DOCK9: variants seen among roughly 807,000 people sequenced by gnomAD.
DOCK9 encodes the protein dedicator of cytokinesis 9, also known as dedicator of cytokinesis protein 9.
DOCK9 carries 89 observed loss-of-function variants against 263.3 expected under a neutral mutation model. That is an observed-to-expected ratio of 0.34 (90% CI 0.28 to 0.40). The LOEUF (loss-of-function observed/expected upper bound fraction) is 0.40, where lower values mean the gene tolerates loss of function less well. Among genes scored for constraint, DOCK9 ranks in the 10% least tolerant of loss-of-function variants. DOCK9 has a pLI of 1.00. For missense variants in DOCK9, 2,140 were observed against 2,603.4 expected, an observed-to-expected ratio of 0.82 and a Z score of 3.87; for synonymous variants, 976 against 973.1, an observed-to-expected ratio of 1.00 and a Z score of -0.06.
rs759695289 is a variant in DOCK9, at chr13:98,829,376, C to T, written c.4896G>A (p.Thr1632=). 23 of 1,613,596 alleles carry T rather than the reference C, an allele frequency of 1.4e-5. No individual in the cohort carries two copies. Among genetic ancestry groups the T allele is most frequent in the East Asian group, 6.7e-5 (3 of 44,868 alleles). The change falls in exon 43 of 53, where the codon ACG becomes ACA. Residue 1632 remains threonine, a synonymous_variant. Transcript: ENST00000682017. The surrounding 1 kb of genome is among the most constrained non-coding windows in gnomAD (Gnocchi z 4.1). ...CGAGCCACGTCTTCCTGAGCTCGGG[C>T]GTGCTGGCATAGGATTTGGCCAGGC... The part of the protein sequence containing the change: ...QYSLAKSYAS[T]PELRKTWLDS...
At chr13:98,963,541 C>T (rs2058887733) in intron 1 of DOCK9, among the ~76,000 whole-genome samples, 1 of 152,192 alleles carries the variant, frequency 6.6e-6, no homozygotes, top group Non-Finnish European at 1.5e-5. Context: ...ATTTCTTGCC[C>T]TTGTGTCTCT....
At chr13:98,940,055 A>G (rs2055560233) in intron 2 of DOCK9, among the ~76,000 whole-genome samples, 2 of 152,206 alleles carry the variant, frequency 1.3e-5, no homozygotes, top group Admixed American at 1.3e-4. Context: ...AACCTTTCCA[A>G]GTTATCTGGC....
intron 1 of DOCK9, among the ~76,000 whole-genome samples, chr13:98,965,731 G>A (rs2059121278): frequency 6.6e-6 from 1 of 152,210 alleles, no homozygotes. Context: ...TCAAACCTGA[G>A]TGTTAAACTA....
At position 98,880,625 on chromosome 13, in the gene DOCK9, C is replaced by T. The variant is rs752584164; in HGVS notation, c.2793G>A (p.Val931=). ...TCATGGATTTGGTCAGTTCTTCATG[C>T]ACTGTCTTGTATTCAGAGGCAACAT... The part of the protein sequence containing the change: ...EPYVASEYKT[V]HEELTKSMTT... Residue 931 remains valine (V), a synonymous_variant, in exon 26 of 53, where the codon GTG becomes GTA. Transcript: ENST00000682017. 27 of 1,613,742 alleles carry T rather than the reference C, an allele frequency of 1.7e-5. 1 individual carries two copies. Among genetic ancestry groups the T allele is most frequent in the South Asian group, 4.4e-5 (4 of 91,040 alleles).
intron 1 of DOCK9, among the ~76,000 whole-genome samples, chr13:99,079,431 G>A (rs2042039103): frequency 6.6e-6 from 1 of 152,152 alleles, no homozygotes; most frequent in Admixed American, 6.5e-5. Flanking sequence ...GCATTCTAGG[G>A]CATCATAGGT....
chr13:98,916,658 G>C (rs1595286253), intron 7 of DOCK9, among the ~76,000 whole-genome samples: 1 of 152,158 alleles, frequency 6.6e-6, no homozygotes, highest in African/African-American at 2.4e-5. Flanking sequence ...TGCCACTTTG[G>C]ATTCCACTTA....
At chr13:98,923,094 G>T (rs2052339122) in intron 5 of DOCK9, among the ~76,000 whole-genome samples, 1 of 152,114 alleles carries the variant, frequency 6.6e-6, no homozygotes, top group South Asian at 2.1e-4. Flanking sequence ...ACAACCAAGA[G>T]AACATGAAAT....
At chr13:98,911,680 A>G (rs1235013929) in intron 9 of DOCK9, among the ~76,000 whole-genome samples, 1 of 151,620 alleles carries the variant, frequency 6.6e-6, no homozygotes, top group Non-Finnish European at 1.5e-5. Context: ...GGATCTTTTG[A>G]GGTTAGGAGT....
At chr13:98,878,888 G>A (rs997496684) in intron 27 of DOCK9, among the ~76,000 whole-genome samples, 1 of 152,126 alleles carries the variant, frequency 6.6e-6, no homozygotes, top group Non-Finnish European at 1.5e-5. Context: ...TGTGCAGGAG[G>A]CCTAGATTCT....
chr13:99,088,062 C>T (rs2042388488), upstream of DOCK9: 2 of 152,266 alleles, frequency 1.3e-5, no homozygotes, highest in South Asian at 2.1e-4. Context: ...AGCAAAACAC[C>T]TCCGTTCTGG....
intron 1 of DOCK9, among the ~76,000 whole-genome samples, chr13:99,059,380 T>C (rs577496050): frequency 1.0e-3 from 158 of 152,274 alleles, no homozygotes; most frequent in Non-Finnish European, 6.2e-4. Context: ...CAGCTGGGCA[T>C]ACAGGCATCA....
At chr13:98,849,624 C>G (rs899637577) in intron 36 of DOCK9, among the ~76,000 whole-genome samples, 11 of 152,060 alleles carry the variant, frequency 7.2e-5, no homozygotes, top group African/African-American at 2.4e-4. Flanking sequence ...CTTATACTGA[C>G]AAACCAAAAT....
At chr13:98,969,256 G>A (rs190761498) in intron 1 of DOCK9, among the ~76,000 whole-genome samples, 1 of 152,160 alleles carries the variant, frequency 6.6e-6, no homozygotes, top group African/African-American at 2.4e-5. Context: ...TGTAAGTCCA[G>A]CATGTTCCTC....
At chr13:98,814,622 T>C (rs2091639786) in intron 45 of DOCK9, among the ~76,000 whole-genome samples, 1 of 152,006 alleles carries the variant, frequency 6.6e-6, no homozygotes, top group African/African-American at 2.4e-5. Context: ...GCCAGGCTGG[T>C]CCCAAACTCC....
At chr13:98,895,064 T>C (rs1357380271) in intron 15 of DOCK9, among the ~76,000 whole-genome samples, 1 of 149,866 alleles carries the variant, frequency 6.7e-6, no homozygotes, top group African/African-American at 2.5e-5. Context: ...GAGAATTGCT[T>C]GAACCTGGGA....
chr13:98,983,194 T>C (rs559888494), intron 1 of DOCK9, among the ~76,000 whole-genome samples: 4 of 152,362 alleles, frequency 2.6e-5, no homozygotes, highest in African/African-American at 9.6e-5. Context: ...ACTCCAAAGT[T>C]ATCATTCCTT....
At chr13:99,013,702 G>T (rs888065497) in intron 1 of DOCK9, among the ~76,000 whole-genome samples, 1 of 152,158 alleles carries the variant, frequency 6.6e-6, no homozygotes, top group Non-Finnish European at 1.5e-5. Context: ...TATCCAGAAC[G>T]AGGTGAGGAA....
chr13:98,950,348 G>C (rs2057265698), intron 2 of DOCK9: 2 of 906,234 alleles, frequency 2.2e-6, no homozygotes, highest in African/African-American at 1.7e-5. Flanking sequence ...TTTGCTAAAA[G>C]TGCCTGCTTT....
At chr13:99,057,309 A>G (rs924205807) in intron 1 of DOCK9, among the ~76,000 whole-genome samples, 1 of 152,240 alleles carries the variant, frequency 6.6e-6, no homozygotes, top group African/African-American at 2.4e-5. Flanking sequence ...TAGTAGTCTC[A>G]AAATGTTACG....
Sources: gnomAD v4.1 joint callset for allele counts (sites outside exome capture counted in the v4.1 genomes callset) on GRCh38, gnomAD v4.1.1 for gene constraint, Gnocchi (gnomAD v3.1) non-coding constraint, MANE v1.5 for transcripts, NCBI Gene and HGNC (gene_info 2026-07-23, HGNC 2026-07-21) for gene names.